BICDL1: variants seen among roughly 807,000 people sequenced by gnomAD.
BICDL1 encodes BICD family like cargo adaptor 1, also known as BICD family-like cargo adapter 1.
A neutral mutation model predicts 76.8 loss-of-function variants in BICDL1; 20 were observed. The observed-to-expected ratio is 0.26, with a 90% CI of 0.18 to 0.38. The LOEUF (loss-of-function observed/expected upper bound fraction) is 0.38, where lower values mean the gene tolerates loss of function less well. BICDL1 is among the 10% of genes least tolerant of loss of function. The pLI, the probability that BICDL1 is intolerant of heterozygous loss-of-function variation, is 1.00. For missense variants in BICDL1, 700 were observed against 798.6 expected (o/e 0.88, Z 1.49); for synonymous variants, 383 against 337.1 (o/e 1.14, Z -1.49).
chr12:120,010,050 T>G (rs891311486), intron 2 of BICDL1, among the ~76,000 whole-genome samples: 1 of 152,218 alleles, frequency 6.6e-6, no homozygotes, highest in Admixed American at 6.5e-5. Context: ...ACCAAAATAG[T>G]CATCATGAAC....
At chr12:120,040,751 C>CCT in intron 2 of BICDL1, among the ~76,000 whole-genome samples, 1 of 134,306 alleles carries the variant, frequency 7.4e-6, no homozygotes, top group East Asian at 2.1e-4. Flanking sequence ...ATAGGAAATA[C>CCT]TTTTTTTTTT....
At chr12:120,083,835 T>TA (rs1334506056) in intron 8 of BICDL1, among the ~76,000 whole-genome samples, 2 of 151,730 alleles carry the variant, frequency 1.3e-5, no homozygotes, top group Non-Finnish European at 2.9e-5. Flanking sequence ...TTTCTGTTAG[T>TA]AGAGACGGGG....
At chr12:120,039,518 A>G (rs1359616152) in intron 2 of BICDL1, among the ~76,000 whole-genome samples, 3 of 144,414 alleles carry the variant, frequency 2.1e-5, no homozygotes, top group Non-Finnish European at 4.5e-5. Context: ...CATGCCGGTA[A>G]TCCCAGCTAC....
At chr12:120,080,812 T>C in intron 7 of BICDL1, 75 bp from the exon 8 acceptor site, 1 of 1,563,826 alleles carries the variant, frequency 6.4e-7, no homozygotes, top group African/African-American at 1.4e-5. Context: ...CTGGGGTCTC[T>C]TTGTTCCTTT....
intron 4 of BICDL1, among the ~76,000 whole-genome samples, chr12:120,066,762 A>G (rs1293917241): frequency 6.6e-6 from 1 of 152,218 alleles, no homozygotes; most frequent in Non-Finnish European, 1.5e-5. Flanking sequence ...ACTAATTACC[A>G]GTGTCCTCCA....
At chr12:120,041,834 G>T (rs1952648698) in intron 2 of BICDL1, among the ~76,000 whole-genome samples, 1 of 152,216 alleles carries the variant, frequency 6.6e-6, no homozygotes, top group Admixed American at 6.5e-5. Context: ...GGAACAAAGA[G>T]AATGCAGCGG....
chr12:120,044,817 G>A (rs1193705483), intron 2 of BICDL1, among the ~76,000 whole-genome samples: 1 of 152,124 alleles, frequency 6.6e-6, no homozygotes, highest in Admixed American at 6.6e-5. Context: ...TAGCCTTGTA[G>A]TATAGTTTGA....
Position 119,990,156 on chromosome 12 carries a change from C to A in BICDL1, c.288C>A (p.Asp96Glu), listed in dbSNP as rs1209423776. The stretch of plus-strand genomic sequence containing the variant: ...GACCGCAGCCGCCGCCCTCCCAGGA[C>A]CCCGAGCTGCTGTCGGTGATCCGAC... ...GAGPQPPPSQ[D>E]PELLSVIRQK... Residue 96 changes from aspartate to glutamate, a missense_variant, in exon 1 of 10, where the codon GAC (aspartate) becomes GAA (glutamate). Asp to Glu is a conservative substitution (Grantham distance 45). Coordinates refer to ENST00000548673, the MANE Select transcript of BICDL1 (RefSeq NM_001367886.1). The A allele has an allele frequency of 3.9e-6, 6 of 1,551,574 alleles. No homozygotes were observed. In the East Asian group the frequency reaches 1.2e-4, roughly 32 times the overall value.
intron 1 of BICDL1, among the ~76,000 whole-genome samples, chr12:119,995,518 A>G (rs1951624787): frequency 6.6e-6 from 1 of 152,238 alleles, no homozygotes; most frequent in African/African-American, 2.4e-5. Context: ...CTTTTAGAAC[A>G]CGAGCCTAAT....
chr12:120,030,970 A>G (rs562526495), intron 2 of BICDL1, among the ~76,000 whole-genome samples: 2 of 152,324 alleles, frequency 1.3e-5, no homozygotes, highest in African/African-American at 4.8e-5. Flanking sequence ...ATGTTTCTAG[A>G]TATGAGTTTA....
rs770659165 is a variant in BICDL1 at position 120,072,761 on chromosome 12, C to CG, written c.1308+32_1308+33insG. On this transcript the variant is annotated intron_variant, in intron 6 of 9. Transcript: ENST00000548673. ...GGCCAGTCTGAGATGGTCCTTACCC[C>CG]ACAGGAGCTGGCTGGTGGGAGGTTA... 7.9e-4 allele frequency: 1,248 copies of CG among 1,586,352 alleles called. 1 individual carries two copies. Among genetic ancestry groups the CG allele is most frequent in the Non-Finnish European group, 9.8e-4 (1,134 of 1,161,740 alleles).
chr12:120,017,570 A>AT (rs1027790157), intron 2 of BICDL1, among the ~76,000 whole-genome samples: 6 of 152,042 alleles, frequency 3.9e-5, no homozygotes, highest in Non-Finnish European at 8.8e-5. Context: ...CTCTGCAAAA[A>AT]TTTTTTTAAA....
intron 4 of BICDL1, among the ~76,000 whole-genome samples, chr12:120,069,562 A>C (rs1246430133): frequency 1.3e-5 from 2 of 152,188 alleles, no homozygotes; most frequent in African/African-American, 2.4e-5. Context: ...CTGATGTGGA[A>C]GTGAGGGGCC....
chr12:120,032,701 A>G (rs1484483144), intron 2 of BICDL1, among the ~76,000 whole-genome samples: 3 of 152,112 alleles, frequency 2.0e-5, no homozygotes, highest in East Asian at 1.9e-4. Context: ...GCTTAGTACA[A>G]ATCTTTAGGG....
chr12:120,061,618 G>A, intron 2 of BICDL1, 92 bp from the exon 3 acceptor site: 1 of 874,852 alleles, frequency 1.1e-6, no homozygotes, highest in Non-Finnish European at 1.9e-6. Flanking sequence ...AATAGAAAGT[G>A]CAAAGAGATG....
chr12:119,996,490 T>C (rs1951648000), intron 1 of BICDL1, among the ~76,000 whole-genome samples: 1 of 152,204 alleles, frequency 6.6e-6, no homozygotes, highest in Non-Finnish European at 1.5e-5. Context: ...AAAAGAAGCA[T>C]TCTGAAAGAT....
intron 8 of BICDL1, among the ~76,000 whole-genome samples, chr12:120,088,886 A>G (rs150927424): frequency 0.019 from 2,914 of 150,610 alleles, 42 homozygotes; most frequent in Non-Finnish European, 0.029. Flanking sequence ...GGATGGTCTC[A>G]ATCTCCTGAC....
Position 120,058,606 on chromosome 12 carries a change from T to C in BICDL1, c.646-3104T>C, listed in dbSNP as rs1953033588. On this transcript the variant is annotated intron_variant, in intron 2 of 9. Coordinates refer to ENST00000548673, the MANE Select transcript of BICDL1 (RefSeq NM_001367886.1). The stretch of plus-strand genomic sequence containing the variant: ...AATTTTTTTCTTTTTTTTTTTTTTT[T>C]TTGAGACAGAGTCTTGCCCTGTGGC... Among the ~76,000 whole-genome samples the C allele has an allele frequency of 2.6e-5, 4 of 151,678 alleles. No individual in the cohort carries two copies. In the South Asian group the frequency reaches 8.3e-4, roughly 32 times the overall value.
At chr12:119,996,006 C>T (rs1011550600) in intron 1 of BICDL1, among the ~76,000 whole-genome samples, 1 of 151,592 alleles carries the variant, frequency 6.6e-6, no homozygotes, top group Admixed American at 6.6e-5. Context: ...AAAAAATTCT[C>T]ATTTTTGGAA....
Sources: allele counts gnomAD v4.1 joint callset (sites outside exome capture counted in the v4.1 genomes callset), GRCh38; gene constraint gnomAD v4.1.1; transcripts MANE v1.5; gene names NCBI Gene and HGNC (gene_info 2026-07-23, HGNC 2026-07-21).